The following DLG2 variants were observed in gnomAD, a reference collection of about 807,000 sequenced individuals.
DLG2 encodes the protein discs large MAGUK scaffold protein 2, also known as disks large homolog 2.
DLG2 carries 45 observed loss-of-function variants against 132.5 expected under a neutral mutation model. The ratio of observed to expected loss-of-function variants is 0.34; its 90% CI spans 0.27 to 0.44. DLG2 has a LOEUF of 0.44. DLG2 is among the 20% of genes least tolerant of loss of function. DLG2 has a pLI of 1.00. For synonymous variants in DLG2, 424 were observed against 419.6 expected (o/e 1.01, Z -0.13); for missense variants, 1,045 against 1,196.9 (o/e 0.87, Z 1.87).
At chr11:85,143,718 C>A in intron 5 of DLG2, among the ~76,000 whole-genome samples, 1 of 151,766 alleles carries the variant, frequency 6.6e-6, no homozygotes, top group Non-Finnish European at 1.5e-5. Context: ...GTTTAATTTC[C>A]ATGTGTTTGT....
In DLG2 at chr11:84,088,289, A is replaced by G. The variant is rs889720122; in HGVS notation, c.749+10634T>C. Reference sequence around the variant, plus strand: ...ACATGTAGGTCTATGATCCCATTTAATTAATATTTGTCTACAGTGTGAGAT... The same window carrying G: ...ACATGTAGGTCTATGATCCCATTTAGTTAATATTTGTCTACAGTGTGAGAT... On this transcript the variant is annotated intron_variant, in intron 10 of 27. Coordinates refer to ENST00000376104, the MANE Select transcript of DLG2 (RefSeq NM_001142699.3). 5.3e-5 allele frequency among the ~76,000 whole-genome samples: 8 copies of G among 152,116 alleles called. No homozygotes were observed. In the East Asian group the frequency reaches 1.5e-3, roughly 29 times the overall value.
intron 3 of DLG2, among the ~76,000 whole-genome samples, chr11:85,496,765 C>T (rs977561124): frequency 1.3e-5 from 2 of 152,128 alleles, no homozygotes; most frequent in Non-Finnish European, 2.9e-5. Flanking sequence ...CAACCTCCAC[C>T]AGTGATACCC....
intron 17 of DLG2, among the ~76,000 whole-genome samples, chr11:83,812,595 T>C (rs34348158): frequency 0.12 from 18,248 of 152,242 alleles, 1,131 homozygotes; most frequent in Middle Eastern, 0.15. Context: ...ATCCCACCAT[T>C]TGAGATTCAC....
intron 3 of DLG2, chr11:85,453,348 T>C (rs2092314868): frequency 4.3e-6 from 1 of 232,580 alleles, no homozygotes; most frequent in Non-Finnish European, 9.1e-6. Flanking sequence ...CTATTGAGTC[T>C]TTTGTGCTCA....
intron 6 of DLG2, among the ~76,000 whole-genome samples, chr11:85,097,633 G>A (rs77108094): frequency 0.019 from 2,961 of 152,258 alleles, 51 homozygotes; most frequent in Admixed American, 0.041. Flanking sequence ...CTTTTCCATT[G>A]TTTTTTCTTC....
intron 6 of DLG2, among the ~76,000 whole-genome samples, chr11:84,668,723 T>C (rs935984954): frequency 1.3e-5 from 2 of 152,166 alleles, no homozygotes; most frequent in African/African-American, 4.8e-5. Context: ...AAGTCACCAT[T>C]TCCCCTTAGT....
intron 6 of DLG2, among the ~76,000 whole-genome samples, chr11:85,053,981 A>G (rs2063178161): frequency 6.6e-6 from 1 of 151,498 alleles, no homozygotes; most frequent in South Asian, 2.1e-4. Flanking sequence ...AGAAATGCCA[A>G]TCAGGCCAGG....
At chr11:84,429,330 G>T (rs2098976949) in intron 7 of DLG2, among the ~76,000 whole-genome samples, 1 of 152,170 alleles carries the variant, frequency 6.6e-6, no homozygotes. Flanking sequence ...TTTGAGTGGG[G>T]AGGAATCTGC....
At chr11:84,614,094 T>A (rs1400065413) in intron 6 of DLG2, among the ~76,000 whole-genome samples, 3 of 152,208 alleles carry the variant, frequency 2.0e-5, no homozygotes, top group Non-Finnish European at 1.5e-5. Flanking sequence ...TATTATTCAA[T>A]CATTTATTAA....
chr11:85,008,627 C>T (rs1433502661), intron 6 of DLG2, among the ~76,000 whole-genome samples: 3 of 151,974 alleles, frequency 2.0e-5, no homozygotes. Flanking sequence ...ATGAATGAAA[C>T]TATGGACACT....
chr11:83,800,574 G>A (rs1378724954), intron 17 of DLG2, among the ~76,000 whole-genome samples: 2 of 152,082 alleles, frequency 1.3e-5, no homozygotes, highest in Non-Finnish European at 2.9e-5. Flanking sequence ...GAGGCAAAGT[G>A]AAAAATTGAT....
chr11:84,542,344 A>G (rs2099376528), intron 6 of DLG2, among the ~76,000 whole-genome samples: 1 of 152,190 alleles, frequency 6.6e-6, no homozygotes, highest in South Asian at 2.1e-4. Flanking sequence ...TTAAGTAATA[A>G]TTACAGTTCC....
chr11:83,895,799 T>A (rs1476583487), intron 15 of DLG2, among the ~76,000 whole-genome samples: 1 of 152,214 alleles, frequency 6.6e-6, no homozygotes, highest in African/African-American at 2.4e-5. Context: ...ATTTCCCACA[T>A]AGCAGTAAAG....
chr11:84,831,727 C>T (rs141452887), intron 6 of DLG2, among the ~76,000 whole-genome samples: 93 of 151,786 alleles, frequency 6.1e-4, no homozygotes, highest in African/African-American at 2.0e-3. Flanking sequence ...TAATAAGCCA[C>T]GCCCCTTCAA....
chr11:84,144,614 T>C (rs2094995982), intron 9 of DLG2, among the ~76,000 whole-genome samples: 1 of 151,810 alleles, frequency 6.6e-6, no homozygotes, highest in African/African-American at 2.4e-5. Flanking sequence ...TAGGAAGGGG[T>C]AGGAAGAATA....
intron 6 of DLG2, among the ~76,000 whole-genome samples, chr11:84,810,484 C>A (rs1039150043): frequency 6.6e-6 from 1 of 152,104 alleles, no homozygotes; most frequent in Non-Finnish European, 1.5e-5. Flanking sequence ...CATATGACAG[C>A]AATTGCTATT....
chr11:85,387,962 G>A (rs2086486121), intron 3 of DLG2, among the ~76,000 whole-genome samples: 2 of 152,186 alleles, frequency 1.3e-5, no homozygotes, highest in South Asian at 2.1e-4. Flanking sequence ...TTTGAAGGAG[G>A]TGGAATGCCA....
intron 6 of DLG2, among the ~76,000 whole-genome samples, chr11:84,845,022 T>A (rs185674209): frequency 6.6e-6 from 1 of 152,236 alleles, no homozygotes; most frequent in Admixed American, 6.6e-5. Flanking sequence ...ACAAATTTTA[T>A]TATTCCAATC....
At chr11:83,970,813 C>T (rs900828805) in intron 12 of DLG2, among the ~76,000 whole-genome samples, 5 of 152,100 alleles carry the variant, frequency 3.3e-5, no homozygotes, top group Non-Finnish European at 5.9e-5. Flanking sequence ...TGAAAATTTT[C>T]GCTGATCATT....
Sources: gnomAD v4.1 joint callset for allele counts (sites outside exome capture counted in the v4.1 genomes callset) on GRCh38, gnomAD v4.1.1 for gene constraint, MANE v1.5 for transcripts, NCBI Gene and HGNC (gene_info 2026-07-23, HGNC 2026-07-21) for gene names.